The following SPATA9 variants were observed in gnomAD, a reference collection of about 807,000 sequenced individuals.
SPATA9 encodes the protein spermatogenesis-associated protein 9.
Under a neutral mutation model 25.5 loss-of-function variants are expected in SPATA9, and 27 were observed. That is an observed-to-expected ratio of 1.06 (90% confidence interval 0.78 to 1.46). The LOEUF is 1.46. Among genes scored for constraint, SPATA9 ranks in the 40% most tolerant of loss-of-function variants. The pLI is 0.00. For missense variants in SPATA9, 282 were observed against 297.5 expected, an observed-to-expected ratio of 0.95 and a Z score of 0.38; for synonymous variants, 102 against 105.7, an observed-to-expected ratio of 0.97 and a Z score of 0.21.
At chr5:95,664,925 A>G (rs2112573819) in intron 3 of SPATA9, among the ~76,000 whole-genome samples, 1 of 152,302 alleles carries the variant, frequency 6.6e-6, no homozygotes, top group Middle Eastern at 3.4e-3. Flanking sequence ...TATAACATTG[A>G]AAAAACTAAA....
upstream of SPATA9, among the ~76,000 whole-genome samples, chr5:95,703,400 G>A (rs572600773): frequency 7.2e-5 from 11 of 152,170 alleles, no homozygotes; most frequent in Non-Finnish European, 1.5e-4. Flanking sequence ...TTTGGAGGCC[G>A]AGACAGGTGG....
At chr5:95,704,943 G>T in the SPATA9 span, among the ~76,000 whole-genome samples, 1 of 150,266 alleles carries the variant, frequency 6.7e-6, no homozygotes, top group East Asian at 2.0e-4. Context: ...CATGAGGATA[G>T]AGTACTTTTT....
rs188360103 is a variant in SPATA9 at position 95,697,982 on chromosome 5, A to G, written n.124+606T>C. Among the ~76,000 whole-genome samples the G allele has an allele frequency of 1.8e-3, 272 of 152,170 alleles. 1 individual carries two copies. The highest frequency in any genetic ancestry group is 3.0e-3 in the Non-Finnish European group (204 of 68,030). ...GCAATCATGTGTTTCAGTAAGCAGC[A>G]GAAGTGCCTATGCCTACTACTTCAT... On this transcript the variant is annotated intron_variant and non_coding_transcript_variant, in intron 1 of 2. Coordinates refer to the SPATA9 transcript ENST00000379990.
At chr5:95,720,495 G>A in the SPATA9 span, among the ~76,000 whole-genome samples, 1 of 152,342 alleles carries the variant, frequency 6.6e-6, no homozygotes, top group African/African-American at 2.4e-5. Context: ...GTCTAGCATG[G>A]AGAGTTACTA....
At chr5:95,707,558 C>T in the SPATA9 span, among the ~76,000 whole-genome samples, 34,634 of 152,048 alleles carry the variant, frequency 0.23, 4,199 homozygotes, top group East Asian at 0.5. Flanking sequence ...GTTACAGGAA[C>T]GTAAACCGTT....
chr5:95,682,560 G>A lies in SPATA9; in HGVS notation c.118C>T (p.Pro40Ser), dbSNP rs760620206. ...GACTGTGATAATCTTAGGATGGTGG[G>A]AAATTCATCTTTAAACTCATCTACA... ...DLVDEFKDEF[P>S]TILRLSQSNQ... is the part of the protein sequence containing the mutation. Residue 40 changes from proline to serine, a missense_variant, in exon 2 of 5, where the codon CCC (proline) becomes TCC (serine). Transcript: ENST00000274432. 3 of 1,613,228 alleles carry A rather than the reference G, an allele frequency of 1.9e-6. No homozygotes were observed. In the African/African-American group the frequency reaches 4.0e-5, roughly 22 times the overall value.
At chr5:95,675,371 T>G (rs1318419438) in intron 3 of SPATA9, 41 bp downstream of exon 3, 1 of 1,530,516 alleles carries the variant, frequency 6.5e-7, no homozygotes, top group Non-Finnish European at 8.9e-7. Context: ...TTTAAAAGTT[T>G]CTTAAAAAAG....
At chr5:95,729,286 C>A in the SPATA9 span, among the ~76,000 whole-genome samples, 2 of 152,086 alleles carry the variant, frequency 1.3e-5, no homozygotes, top group Non-Finnish European at 2.9e-5. Flanking sequence ...TAACAAATTG[C>A]TTTAGCTTCT....
chr5:95,678,651 A>G (rs1490983304), intron 2 of SPATA9, among the ~76,000 whole-genome samples: 1 of 152,180 alleles, frequency 6.6e-6, no homozygotes, highest in Non-Finnish European at 1.5e-5. Context: ...TTAAGATACA[A>G]CCCAATTAAT....
the SPATA9 span, among the ~76,000 whole-genome samples, chr5:95,707,859 G>A: frequency 1.3e-5 from 2 of 152,132 alleles, no homozygotes; most frequent in Non-Finnish European, 2.9e-5. Flanking sequence ...TAAAAACAGA[G>A]TTAGTAAAAA....
At chr5:95,663,374 G>A (rs1034347663) in intron 4 of SPATA9, among the ~76,000 whole-genome samples, 7 of 152,154 alleles carry the variant, frequency 4.6e-5, no homozygotes, top group African/African-American at 7.2e-5. Flanking sequence ...ATTGTGAGGG[G>A]CAAGAAAGAG....
intron 3 of SPATA9, among the ~76,000 whole-genome samples, chr5:95,674,050 T>C (rs2112634033): frequency 6.6e-6 from 1 of 152,310 alleles, no homozygotes; most frequent in Non-Finnish European, 1.5e-5. Flanking sequence ...TTTTCAGTGA[T>C]CTAAAGATAC....
At chr5:95,699,305 C>T (rs1289988879), upstream of SPATA9, among the ~76,000 whole-genome samples, 1 of 152,142 alleles carries the variant, frequency 6.6e-6, no homozygotes, top group Non-Finnish European at 1.5e-5. Flanking sequence ...ATCATGCCTA[C>T]TTTACAGGGC....
At chr5:95,713,982 A>C in the SPATA9 span, among the ~76,000 whole-genome samples, 2 of 152,186 alleles carry the variant, frequency 1.3e-5, no homozygotes, top group African/African-American at 4.8e-5. Flanking sequence ...TTTGACTTTA[A>C]AGTCTCTTGG....
the SPATA9 span, among the ~76,000 whole-genome samples, chr5:95,718,269 G>C: frequency 1.3e-5 from 2 of 152,166 alleles, no homozygotes; most frequent in Non-Finnish European, 2.9e-5. Context: ...AGAGAGATAA[G>C]AGTTGAAGAC....
At chr5:95,714,491 A>G in the SPATA9 span, among the ~76,000 whole-genome samples, 5 of 152,156 alleles carry the variant, frequency 3.3e-5, no homozygotes, top group African/African-American at 1.2e-4. Flanking sequence ...AAAAAGGGGG[A>G]AAGGTCTGCA....
At chr5:95,672,760 A>T (rs1752521500) in intron 3 of SPATA9, among the ~76,000 whole-genome samples, 1 of 152,196 alleles carries the variant, frequency 6.6e-6, no homozygotes, top group Non-Finnish European at 1.5e-5. Context: ...ATTATCAGTC[A>T]AAGTAAAAAG....
At chr5:95,664,198 A>G (rs1751543843) in intron 3 of SPATA9, 150 bp from the exon 4 acceptor site, 2 of 461,556 alleles carry the variant, frequency 4.3e-6, no homozygotes, top group South Asian at 1.1e-4. Context: ...CATTGTGAAA[A>G]TTATTTTTCC....
chr5:95,652,501 T>G, downstream of SPATA9: 1 of 848,264 alleles, frequency 1.2e-6, no homozygotes, highest in Non-Finnish European at 1.6e-6. Flanking sequence ...TTTTCCATTC[T>G]GCAAAAATAC....
Sources: gnomAD v4.1 joint callset for allele counts (sites outside exome capture counted in the v4.1 genomes callset) on GRCh38, gnomAD v4.1.1 for gene constraint, MANE v1.5 for transcripts, NCBI Gene and HGNC (gene_info 2026-07-23, HGNC 2026-07-21) for gene names.